The following NALF1 variants were observed in gnomAD, a reference collection of about 807,000 sequenced individuals.
NALF1 encodes the protein NALCN channel auxiliary factor 1.
NALF1 carries 3 observed loss-of-function variants against 48.4 expected under a neutral mutation model. That is an observed-to-expected ratio of 0.06 (90% CI 0.03 to 0.16). NALF1 has a LOEUF of 0.16. Ranked by LOEUF, NALF1 falls within the 10% of genes least tolerant of loss-of-function variation. NALF1 has a pLI of 1.00. For missense variants in NALF1, 526 were observed against 571.5 expected (o/e 0.92, Z 0.81); for synonymous variants, 262 against 245.7 (o/e 1.07, Z -0.62).
chr13:107,262,371 C>T (rs1031521251), intron 1 of NALF1, among the ~76,000 whole-genome samples: 2 of 152,136 alleles, frequency 1.3e-5, no homozygotes, highest in Admixed American at 6.5e-5. Context: ...GCTGAGATCA[C>T]GCTGCTACAC....
chr13:107,403,199 T>TA lies in NALF1; in HGVS notation c.916-192445_916-192444insT, dbSNP rs1352818671. ...TTCTCTTGTTCGGGCTTTTTTTTTT[T>TA]TTTTTTTTTTTTTTTTTTTATCATT... On this transcript the variant is annotated intron_variant, in intron 1 of 2. Transcript: ENST00000375915. 4.5e-3 allele frequency among the ~76,000 whole-genome samples: 618 copies of TA among 138,466 alleles called. 12 individuals are homozygous for TA. The highest frequency in any genetic ancestry group is 0.015 in the African/African-American group (584 of 38,566). 90.8% of individuals were successfully genotyped at this position (138,466 alleles called of 152,430 possible). A position where few individuals can be genotyped will look rare whatever the true frequency, so the allele number is the denominator to read the frequency against.
At chr13:107,230,096 C>T (rs570690927) in intron 1 of NALF1, among the ~76,000 whole-genome samples, 39 of 152,294 alleles carry the variant, frequency 2.6e-4, no homozygotes, top group African/African-American at 8.4e-4. Flanking sequence ...ATGCCTCATG[C>T]AGATTCGGCC....
At chr13:107,250,490 A>C (rs1294851801) in intron 1 of NALF1, among the ~76,000 whole-genome samples, 1 of 152,186 alleles carries the variant, frequency 6.6e-6, no homozygotes, top group African/African-American at 2.4e-5. Flanking sequence ...CTCACACAGG[A>C]CTTTAATGGT....
chr13:107,688,795 G>A (rs1174350497), intron 1 of NALF1, among the ~76,000 whole-genome samples: 3 of 152,126 alleles, frequency 2.0e-5, no homozygotes, highest in Non-Finnish European at 4.4e-5. Flanking sequence ...ATGCATGGGC[G>A]AAATCCCTCT....
At chr13:107,805,449 A>G (rs1878749986) in intron 1 of NALF1, among the ~76,000 whole-genome samples, 2 of 152,308 alleles carry the variant, frequency 1.3e-5, no homozygotes, top group Admixed American at 6.5e-5. Context: ...AGGATGTCCA[A>G]GATAATTTTA....
intron 1 of NALF1, among the ~76,000 whole-genome samples, chr13:107,424,629 A>C (rs1036891099): frequency 6.6e-6 from 1 of 152,194 alleles, no homozygotes; most frequent in African/African-American, 2.4e-5. Context: ...GAAAAACAGA[A>C]GGAAGGAGAG....
intron 1 of NALF1, among the ~76,000 whole-genome samples, chr13:107,585,721 A>G (rs1878436263): frequency 6.6e-6 from 1 of 152,112 alleles, no homozygotes; most frequent in African/African-American, 2.4e-5. Context: ...CTTGGATAAT[A>G]GTCAAGGACA....
chr13:107,545,127 A>T (rs1299696866), intron 1 of NALF1, among the ~76,000 whole-genome samples: 1 of 152,206 alleles, frequency 6.6e-6, no homozygotes, highest in Non-Finnish European at 1.5e-5. Context: ...TCAAGTTAAG[A>T]TGCAGTTCCT....
chr13:107,326,631 G>A (rs1051762282), intron 1 of NALF1, among the ~76,000 whole-genome samples: 27 of 152,286 alleles, frequency 1.8e-4, no homozygotes, highest in African/African-American at 4.8e-4. Flanking sequence ...TATAATGGGC[G>A]TTGTATTACT....
chr13:107,195,169 A>G (rs1879364473), intron 2 of NALF1, among the ~76,000 whole-genome samples: 1 of 152,176 alleles, frequency 6.6e-6, no homozygotes, highest in South Asian at 2.1e-4. Context: ...GGTTCCTTAA[A>G]GAACTAAAAG....
chr13:107,469,733 C>CTTTTTTTTTTTTTTTT lies in NALF1; in HGVS notation c.916-258994_916-258979dup, dbSNP rs61241553. Among the ~76,000 whole-genome samples the CTTTTTTTTTTTTTTTT allele has an allele frequency of 1.1e-4, 9 of 79,970 alleles. 1 individual carries two copies. The highest frequency in any genetic ancestry group is 4.5e-4 in the East Asian group (1 of 2,224). 52.5% of individuals were successfully genotyped at this position (79,970 alleles called of 152,430 possible). Reference sequence around the variant, plus strand: ...TAAATGCGATGAGTCAACTGTGTATCTTTTTTTTTTTTTTTTTTTTTTTTT... The same window carrying CTTTTTTTTTTTTTTTT: ...TAAATGCGATGAGTCAACTGTGTATCTTTTTTTTTTTTTTTTTTTTTTTTTTTTTTTTTTTTTTTTT... On this transcript the variant is annotated intron_variant, in intron 1 of 2. Coordinates refer to ENST00000375915, the MANE Select transcript of NALF1 (RefSeq NM_001080396.3).
chr13:107,417,882 G>A (rs899479406), intron 1 of NALF1, among the ~76,000 whole-genome samples: 1 of 152,048 alleles, frequency 6.6e-6, no homozygotes, highest in African/African-American at 2.4e-5. Context: ...CCAACATGAC[G>A]AAACCCCGTC....
At chr13:107,818,639 G>A (rs1479660518) in intron 1 of NALF1, among the ~76,000 whole-genome samples, 11 of 112,098 alleles carry the variant, frequency 9.8e-5, no homozygotes, top group Non-Finnish European at 1.8e-4. Context: ...TTGGGAGGCC[G>A]AGGCGGGCGG....
intron 1 of NALF1, among the ~76,000 whole-genome samples, chr13:107,849,039 TAC>T (rs1402488600): frequency 1.3e-5 from 2 of 152,200 alleles, no homozygotes; most frequent in Non-Finnish European, 2.9e-5. Flanking sequence ...AAATGTAGTT[TAC>T]AACAACACCC....
chr13:107,755,712 C>T (rs924152307), intron 1 of NALF1, among the ~76,000 whole-genome samples: 3 of 152,006 alleles, frequency 2.0e-5, no homozygotes, highest in Admixed American at 6.6e-5. Flanking sequence ...GCTTCACACA[C>T]ATATGTACAT....
chr13:107,679,722 G>A (rs1881228551), intron 1 of NALF1, among the ~76,000 whole-genome samples: 1 of 152,032 alleles, frequency 6.6e-6, no homozygotes, highest in African/African-American at 2.4e-5. Flanking sequence ...GGCCTTCCCT[G>A]GTGCCTCCAT....
intron 1 of NALF1, among the ~76,000 whole-genome samples, chr13:107,814,979 C>T (rs1390952344): frequency 6.6e-6 from 1 of 152,088 alleles, no homozygotes; most frequent in Non-Finnish European, 1.5e-5. Context: ...CAAGTATGTT[C>T]TCTGATCATA....
intron 1 of NALF1, among the ~76,000 whole-genome samples, chr13:107,263,249 GACACACACACACACAC>G (rs34637583): frequency 8.7e-5 from 12 of 138,464 alleles, no homozygotes; most frequent in East Asian, 2.2e-4. Context: ...AATGCTAACA[GACACACACACACACAC>G]ACACACACAC....
At chr13:107,640,513 T>C (rs1880122228) in intron 1 of NALF1, among the ~76,000 whole-genome samples, 1 of 152,174 alleles carries the variant, frequency 6.6e-6, no homozygotes, top group Non-Finnish European at 1.5e-5. Flanking sequence ...CTCATAACCT[T>C]TAATTTCACA....
Sources: gnomAD v4.1 joint callset for allele counts (sites outside exome capture counted in the v4.1 genomes callset) on GRCh38, gnomAD v4.1.1 for gene constraint, MANE v1.5 for transcripts, NCBI Gene and HGNC (gene_info 2026-07-23, HGNC 2026-07-21) for gene names.